TCF12: variants seen among roughly 807,000 people sequenced by gnomAD.
TCF12 encodes DNA-binding protein HTF4.
In TCF12, 45 loss-of-function variants were observed where a neutral mutation model predicts 86.0. The ratio of observed to expected loss-of-function variants is 0.52; its 90% CI spans 0.41 to 0.67. The LOEUF (loss-of-function observed/expected upper bound fraction) is 0.67, where lower values mean the gene tolerates loss of function less well. Ranked by LOEUF, TCF12 falls within the 30% of genes least tolerant of loss-of-function variation. The pLI, the probability that TCF12 is intolerant of heterozygous loss-of-function variation, is 0.00. For missense variants in TCF12, 881 were observed against 859.9 expected (o/e 1.02, Z -0.31); for synonymous variants, 330 against 299.6 (o/e 1.10, Z -1.05).
At chr15:57,090,483 T>A (rs1246584225) in intron 4 of TCF12, among the ~76,000 whole-genome samples, 1 of 152,194 alleles carries the variant, frequency 6.6e-6, no homozygotes, top group Non-Finnish European at 1.5e-5. Context: ...TCCAGAAGAT[T>A]AGTGTTAAAA....
chr15:57,281,544 GC>G (rs1174563295), intron 19 of TCF12: 1 of 152,222 alleles, frequency 6.6e-6, no homozygotes, highest in Non-Finnish European at 1.5e-5. Flanking sequence ...GAGCAATCCA[GC>G]AAAGCTTCAT....
At chr15:57,211,395 T>C (rs1043124437) in intron 8 of TCF12, among the ~76,000 whole-genome samples, 1 of 152,034 alleles carries the variant, frequency 6.6e-6, no homozygotes, top group African/African-American at 2.4e-5. Flanking sequence ...TGAGACCTTG[T>C]GTCAATTATA....
At chr15:57,232,205 G>A in intron 9 of TCF12, 86 bp from the exon 10 acceptor site, 1 of 1,469,770 alleles carries the variant, frequency 6.8e-7, no homozygotes, top group South Asian at 1.2e-5. Flanking sequence ...ATATCTGGAG[G>A]GTACCCCTTG....
At chr15:57,056,116 GGTGTGTGTGTGTGTGTGT>G (rs137934114) in intron 3 of TCF12, among the ~76,000 whole-genome samples, 7 of 143,332 alleles carry the variant, frequency 4.9e-5, no homozygotes, top group Non-Finnish European at 9.0e-5. Flanking sequence ...TAGTTTTAGG[GGTGTGTGTGTGTGTGTGT>G]GTGTGTGTGT....
chr15:57,099,658 C>G (rs1163831185), intron 5 of TCF12, among the ~76,000 whole-genome samples: 1 of 152,050 alleles, frequency 6.6e-6, no homozygotes, highest in African/African-American at 2.4e-5. Context: ...ATTTCTAACT[C>G]AGGTCGTAAT....
intron 5 of TCF12, among the ~76,000 whole-genome samples, chr15:57,099,046 T>G (rs1292504037): frequency 6.6e-6 from 1 of 152,202 alleles, no homozygotes; most frequent in African/African-American, 2.4e-5. Context: ...GTTGCTATAT[T>G]GTAAGGTACC....
At chr15:56,925,907 G>GT (rs1484744019) in intron 3 of TCF12, among the ~76,000 whole-genome samples, 30 of 152,308 alleles carry the variant, frequency 2.0e-4, no homozygotes, top group Admixed American at 1.8e-3. Context: ...TTGTTAAATA[G>GT]TTGTGCCATA....
chr15:57,283,684 T>C (rs2061799809), intron 20 of TCF12, among the ~76,000 whole-genome samples: 1 of 152,194 alleles, frequency 6.6e-6, no homozygotes, highest in African/African-American at 2.4e-5. Context: ...GAAAAAAATA[T>C]CAAGTGCAGT....
intron 3 of TCF12, among the ~76,000 whole-genome samples, chr15:57,047,815 C>T (rs902611594): frequency 8.5e-5 from 13 of 152,150 alleles, no homozygotes; most frequent in Non-Finnish European, 1.6e-4. Flanking sequence ...CGATTTCATT[C>T]TATTGCTAAC....
At chr15:57,186,587 C>T (rs1447040397) in intron 6 of TCF12, among the ~76,000 whole-genome samples, 3 of 152,212 alleles carry the variant, frequency 2.0e-5, no homozygotes, top group Non-Finnish European at 2.9e-5. Flanking sequence ...TCTTCCCAAA[C>T]ACTGCCTAAT....
chr15:56,928,705 T>C (rs529442650), intron 3 of TCF12, among the ~76,000 whole-genome samples: 2 of 152,356 alleles, frequency 1.3e-5, no homozygotes, highest in Admixed American at 6.5e-5. Flanking sequence ...AGAGAATGTG[T>C]ACACCTTTTG....
intron 8 of TCF12, among the ~76,000 whole-genome samples, chr15:57,215,209 C>T (rs891220111): frequency 6.6e-6 from 1 of 152,122 alleles, no homozygotes; most frequent in Non-Finnish European, 1.5e-5. Context: ...TGATGTCTGA[C>T]TTAATTAGCA....
intron 3 of TCF12, among the ~76,000 whole-genome samples, chr15:56,998,054 C>A (rs907968163): frequency 6.6e-6 from 1 of 152,126 alleles, no homozygotes; most frequent in Non-Finnish European, 1.5e-5. Context: ...GAAGCAAAAT[C>A]TGATAGAACT....
chr15:57,255,564 A>G (rs2060308898), intron 16 of TCF12, among the ~76,000 whole-genome samples: 1 of 152,026 alleles, frequency 6.6e-6, no homozygotes, highest in Non-Finnish European at 1.5e-5. Context: ...GCTCACTGCA[A>G]TCTCTGCCTC....
chr15:57,207,601 G>A lies in TCF12; in HGVS notation c.579+9776G>A, dbSNP rs1002263403. Among the ~76,000 whole-genome samples, 3 of 152,044 alleles carry A rather than the reference G, an allele frequency of 2.0e-5. No homozygotes were observed. In the East Asian group the frequency reaches 5.8e-4, roughly 29 times the overall value. Reference sequence around the variant, plus strand: ...CAGGAGAATCACTTGAACCCAGGAGGTGGAGGTTGCAGTGAGCCGAGATAA... The same window carrying A: ...CAGGAGAATCACTTGAACCCAGGAGATGGAGGTTGCAGTGAGCCGAGATAA... On this transcript the variant is annotated intron_variant, in intron 8 of 20. Transcript: ENST00000333725.
intron 3 of TCF12, among the ~76,000 whole-genome samples, chr15:56,960,263 G>A (rs2061684455): frequency 6.6e-6 from 1 of 151,986 alleles, no homozygotes. Context: ...ATGGAATTTG[G>A]TTTAGTTTGA....
chr15:57,263,639 G>C (rs2060694169), intron 18 of TCF12, among the ~76,000 whole-genome samples: 1 of 152,082 alleles, frequency 6.6e-6, no homozygotes, highest in Non-Finnish European at 1.5e-5. Flanking sequence ...ATTTGAATAT[G>C]GTCAGGTGTC....
At chr15:56,987,787 G>A (rs1435290954) in intron 3 of TCF12, among the ~76,000 whole-genome samples, 3 of 152,158 alleles carry the variant, frequency 2.0e-5, no homozygotes, top group Non-Finnish European at 4.4e-5. Flanking sequence ...ATTTAAATTC[G>A]TGGTTTGGCA....
chr15:57,164,324 G>A (rs2151528924), intron 5 of TCF12, among the ~76,000 whole-genome samples: 1 of 152,320 alleles, frequency 6.6e-6, no homozygotes, highest in South Asian at 2.1e-4. Context: ...CCAAGACTGT[G>A]TAATTTATAA....
Sources: gnomAD v4.1 joint callset for allele counts (sites outside exome capture counted in the v4.1 genomes callset) on GRCh38, gnomAD v4.1.1 for gene constraint, MANE v1.5 for transcripts, NCBI Gene and HGNC (gene_info 2026-07-23, HGNC 2026-07-21) for gene names.